Variants in ARFGEF2 observed in about 807,000 individuals in gnomAD.
ARFGEF2 encodes the protein brefeldin A-inhibited guanine nucleotide-exchange protein 2.
Under a neutral mutation model 219.9 loss-of-function variants are expected in ARFGEF2, and 74 were observed. That is an observed-to-expected ratio of 0.34 (90% CI 0.28 to 0.41). The LOEUF (loss-of-function observed/expected upper bound fraction) is 0.41. Among genes scored for constraint, ARFGEF2 ranks in the 10% least tolerant of loss-of-function variants. The probability of loss-of-function intolerance (pLI) is 1.00; values close to 1 mark genes in which losing one functional copy is unlikely to be tolerated. For missense variants in ARFGEF2, 1,743 were observed against 2,218.3 expected (o/e 0.79, Z 4.30); for synonymous variants, 733 against 799.2 (o/e 0.92, Z 1.40).
chr20:48,966,585 T>TC (rs2091188895), intron 8 of ARFGEF2, among the ~76,000 whole-genome samples: 1 of 152,222 alleles, frequency 6.6e-6, no homozygotes, highest in Non-Finnish European at 1.5e-5. Context: ...GCCTTACTGT[T>TC]CTCTTAAAAG....
At chr20:49,016,195 A>T in intron 30 of ARFGEF2, 85 bp from the exon 31 acceptor site, 1 of 1,480,960 alleles carries the variant, frequency 6.8e-7, no homozygotes, top group Non-Finnish European at 9.3e-7. Flanking sequence ...ATTGCTTTCT[A>T]CAACAGTTTT....
chr20:49,005,338 G>GA, intron 26 of ARFGEF2, 117 bp downstream of exon 26: 1 of 1,218,034 alleles, frequency 8.2e-7, no homozygotes, highest in Non-Finnish European at 1.2e-6. Flanking sequence ...GAAACAAATA[G>GA]AATGAATAGA....
At chr20:49,026,434 A>G (rs1423256799) in intron 36 of ARFGEF2, among the ~76,000 whole-genome samples, 1 of 152,126 alleles carries the variant, frequency 6.6e-6, no homozygotes, top group Non-Finnish European at 1.5e-5. Flanking sequence ...TCCAAGCCTT[A>G]TATTTACTTT....
chr20:49,002,753 C>T (rs1213672456), intron 25 of ARFGEF2, among the ~76,000 whole-genome samples: 4 of 354 alleles, frequency 0.011, no homozygotes, highest in Admixed American at 0.042. Flanking sequence ...AAGCAATTCT[C>T]CTGCCTCAGC....
At chr20:49,028,082 A>G (rs180773027) in intron 36 of ARFGEF2, among the ~76,000 whole-genome samples, 71 of 152,230 alleles carry the variant, frequency 4.7e-4, no homozygotes, top group African/African-American at 1.7e-3. Context: ...ACATGGAGAA[A>G]CCCTGTCTCT....
chr20:48,956,328 T>C (rs1225129074), intron 6 of ARFGEF2, among the ~76,000 whole-genome samples: 1 of 152,212 alleles, frequency 6.6e-6, no homozygotes, highest in Non-Finnish European at 1.5e-5. Flanking sequence ...CCTAGGATAA[T>C]TTGCCTCCCA....
chr20:48,964,708 T>A (rs1406024889), intron 7 of ARFGEF2, among the ~76,000 whole-genome samples: 1 of 152,238 alleles, frequency 6.6e-6, no homozygotes, highest in Non-Finnish European at 1.5e-5. Flanking sequence ...GAATGACTGT[T>A]AGATGATCTT....
chr20:48,948,968 T>A (rs2091048215), intron 3 of ARFGEF2, among the ~76,000 whole-genome samples: 1 of 152,224 alleles, frequency 6.6e-6, no homozygotes, highest in African/African-American at 2.4e-5. Context: ...CTGGAGAATA[T>A]AGACTCTATA....
intron 6 of ARFGEF2, among the ~76,000 whole-genome samples, chr20:48,958,588 C>A (rs2091119672): frequency 6.7e-6 from 1 of 150,316 alleles, no homozygotes; most frequent in Non-Finnish European, 1.5e-5. Context: ...AGGAGCCCGC[C>A]ACTACGCCTG....
intron 16 of ARFGEF2, among the ~76,000 whole-genome samples, chr20:48,986,399 CG>C (rs1396954512): frequency 6.6e-6 from 1 of 151,986 alleles, no homozygotes; most frequent in African/African-American, 2.4e-5. Flanking sequence ...GAGGCCGGGA[CG>C]GGCAGATCAC....
chr20:48,935,785 C>A (rs1451214007), intron 1 of ARFGEF2, among the ~76,000 whole-genome samples: 3 of 148,338 alleles, frequency 2.0e-5, no homozygotes, highest in African/African-American at 7.5e-5. Flanking sequence ...ACCCCCCCAC[C>A]TCCCTCCCGG....
intron 7 of ARFGEF2, among the ~76,000 whole-genome samples, chr20:48,964,934 T>A (rs1198008072): frequency 6.6e-6 from 1 of 152,252 alleles, no homozygotes; most frequent in Non-Finnish European, 1.5e-5. Flanking sequence ...GTGTTTCAGT[T>A]ACTTATGTGC....
Position 48,931,515 on chromosome 20 carries a change from G to T in ARFGEF2, c.121+9505G>T, listed in dbSNP as rs561952386. 2.0e-5 allele frequency among the ~76,000 whole-genome samples: 3 copies of T among 152,272 alleles called. No homozygotes were observed. In the East Asian group the frequency reaches 5.8e-4, roughly 29 times the overall value. ...TCAAGGGTGATAAATACTAAAAAAA[G>T]ACTAAAAAAATGAATTAGTAAAGTG... On this transcript the variant is annotated intron_variant, in intron 1 of 38. Coordinates refer to ENST00000371917, the MANE Select transcript of ARFGEF2 (RefSeq NM_006420.3).
At chr20:48,995,748 T>C (rs767794467) in intron 22 of ARFGEF2, 35 bp from the exon 23 acceptor site, 5 of 1,578,356 alleles carry the variant, frequency 3.2e-6, no homozygotes, top group Non-Finnish European at 4.4e-6. Context: ...TTGACTGTTT[T>C]TGAAGTACTG....
chr20:48,964,446 T>C (rs537279774), intron 7 of ARFGEF2, among the ~76,000 whole-genome samples: 5 of 152,318 alleles, frequency 3.3e-5, no homozygotes, highest in Admixed American at 6.5e-5. Flanking sequence ...GCTTAGATGC[T>C]CCACATAGAG....
chr20:48,962,997 C>T (rs2091163293), intron 6 of ARFGEF2, among the ~76,000 whole-genome samples: 1 of 151,922 alleles, frequency 6.6e-6, no homozygotes, highest in Non-Finnish European at 1.5e-5. Context: ...CACTTGAACT[C>T]AGGAGTTCAA....
chr20:48,981,090 A>G (rs1225051082), intron 14 of ARFGEF2, among the ~76,000 whole-genome samples: 1 of 152,108 alleles, frequency 6.6e-6, no homozygotes, highest in Non-Finnish European at 1.5e-5. Flanking sequence ...GGTCTTTACA[A>G]TTTGGCATGG....
At position 49,010,273 on chromosome 20, in the gene ARFGEF2, A is replaced by T. The variant is rs566135657; in HGVS notation, c.3626A>T (p.Gln1209Leu). Residue 1209 changes from glutamine (Q) to leucine (L), a missense_variant, in exon 27 of 39, where the codon CAG becomes CTG. By Grantham distance (113) the Gln-to-Leu change is moderately radical. Around this residue, in one of 5 missense-constraint regions of ARFGEF2, gnomAD observed 102 missense variants for 146.8 expected, o/e 0.69. Coordinates refer to ENST00000371917, the MANE Select transcript of ARFGEF2 (RefSeq NM_006420.3). ...IRDMAIRCIA[Q>L]MVNSQAANIR... ...GACATGGCGATCCGCTGCATTGCCCAGATGGTGAACTCCCAGGCGGCCAAC... is the reference window on the plus strand; with the variant it reads ...GACATGGCGATCCGCTGCATTGCCCTGATGGTGAACTCCCAGGCGGCCAAC... 1 of 1,614,232 alleles carries T rather than the reference A, an allele frequency of 6.2e-7. No individual in the cohort carries two copies. The highest frequency in any genetic ancestry group is 1.1e-5 in the South Asian group (1 of 91,084).
intron 34 of ARFGEF2, among the ~76,000 whole-genome samples, chr20:49,022,597 C>T (rs1453746906): frequency 3.3e-5 from 5 of 152,202 alleles, no homozygotes; most frequent in Non-Finnish European, 7.3e-5. Flanking sequence ...CTGATTCCCT[C>T]ACTTTCTTCA....
Sources: gnomAD v4.1 joint callset for allele counts (sites outside exome capture counted in the v4.1 genomes callset) on GRCh38, gnomAD v4.1.1 for gene constraint, gnomAD v4.1.1 regional missense constraint, MANE v1.5 for transcripts, NCBI Gene and HGNC (gene_info 2026-07-23, HGNC 2026-07-21) for gene names.